Variants in ARHGAP22 observed in about 807,000 individuals in gnomAD.
ARHGAP22 encodes Rho GTPase activating protein 22, also known as rho GTPase-activating protein 22.
In ARHGAP22, 48 loss-of-function variants were observed where a neutral mutation model predicts 59.1. The observed-to-expected ratio is 0.81, with a 90% CI of 0.64 to 1.03. The LOEUF is 1.03. Among genes scored for constraint, ARHGAP22 ranks in the 50% least tolerant of loss-of-function variants. The pLI is 0.00. For missense variants in ARHGAP22, 1,015 were observed against 958.7 expected (o/e 1.06, Z -0.78); for synonymous variants, 445 against 416.4 (o/e 1.07, Z -0.84).
At chr10:48,563,571 A>G (rs1004990158) in intron 2 of ARHGAP22, among the ~76,000 whole-genome samples, 4 of 152,174 alleles carry the variant, frequency 2.6e-5, no homozygotes, top group Non-Finnish European at 4.4e-5. Flanking sequence ...TGCCATCGTA[A>G]CATAACATAT....
At chr10:48,476,608 G>A (rs1288512711) in intron 4 of ARHGAP22, among the ~76,000 whole-genome samples, 1 of 152,174 alleles carries the variant, frequency 6.6e-6, no homozygotes, top group Non-Finnish European at 1.5e-5. Context: ...CATTTCCTCT[G>A]TACTCCCGGG....
chr10:48,501,596 C>T (rs931613541), intron 3 of ARHGAP22, among the ~76,000 whole-genome samples: 1 of 152,212 alleles, frequency 6.6e-6, no homozygotes, highest in Non-Finnish European at 1.5e-5. Context: ...GATATATCAA[C>T]ATTTTAAATG....
intron 1 of ARHGAP22, among the ~76,000 whole-genome samples, chr10:48,610,868 G>C (rs1185719760): frequency 1.3e-5 from 2 of 152,210 alleles, no homozygotes; most frequent in Non-Finnish European, 2.9e-5. Flanking sequence ...CACCCTAAAA[G>C]AGCTAACAGC....
At chr10:48,587,258 T>C (rs971689530) in intron 1 of ARHGAP22, among the ~76,000 whole-genome samples, 13 of 152,202 alleles carry the variant, frequency 8.5e-5, no homozygotes, top group Admixed American at 6.5e-4. Context: ...CACCAGTCCC[T>C]TTCCAGGGTT....
chr10:48,462,703 C>T (rs2133834401), intron 4 of ARHGAP22, among the ~76,000 whole-genome samples: 1 of 152,354 alleles, frequency 6.6e-6, no homozygotes, highest in South Asian at 2.1e-4. Flanking sequence ...AAGCTGCTCC[C>T]ACCTGGGACC....
intron 3 of ARHGAP22, among the ~76,000 whole-genome samples, chr10:48,524,621 C>T (rs1433509589): frequency 6.6e-6 from 1 of 152,172 alleles, no homozygotes; most frequent in Non-Finnish European, 1.5e-5. Context: ...ATCCTCTGGG[C>T]AGTCATCTCA....
At chr10:48,655,039 T>C (rs1284879581), upstream of ARHGAP22, among the ~76,000 whole-genome samples, 1 of 58,740 alleles carries the variant, frequency 1.7e-5, no homozygotes, top group African/African-American at 6.6e-5. Flanking sequence ...TCATTCTTTC[T>C]TTCTTTCTTT....
chr10:48,582,398 C>T (rs867252209), intron 2 of ARHGAP22, among the ~76,000 whole-genome samples: 4 of 152,168 alleles, frequency 2.6e-5, no homozygotes, highest in East Asian at 1.9e-4. Flanking sequence ...GCCGCTGTGA[C>T]GAGGCTATAC....
chr10:48,553,245 C>T (rs2057040916), intron 3 of ARHGAP22, among the ~76,000 whole-genome samples: 1 of 152,272 alleles, frequency 6.6e-6, no homozygotes. Context: ...TCCCGCTCTC[C>T]CTGAACTGCT....
intron 1 of ARHGAP22, among the ~76,000 whole-genome samples, chr10:48,626,854 T>G (rs534003109): frequency 6.6e-6 from 1 of 152,308 alleles, no homozygotes; most frequent in South Asian, 2.1e-4. Context: ...AGGAGGTGAC[T>G]GTGGGAGAGT....
Position 48,450,281 on chromosome 10 carries a change from C to G in ARHGAP22, c.1848G>C (p.Glu616Asp). The G allele has an allele frequency of 6.2e-7, 1 of 1,609,968 alleles. No individual in the cohort carries two copies. Among genetic ancestry groups the G allele is most frequent in the Non-Finnish European group, 8.5e-7 (1 of 1,178,682 alleles). The change falls in exon 9 of 10, where the codon GAG (glutamate) becomes GAC (aspartate). Residue 616 changes from glutamate (E) to aspartate (D), a missense_variant. Physicochemically the swap from Glu to Asp is conservative, Grantham distance 45 (BLOSUM62 2). Coordinates refer to ENST00000249601, the MANE Select transcript of ARHGAP22 (RefSeq NM_021226.4). ...GTTACCTTTTCACACTCCTCTCGTACTCAGTCCGCTGGCGGCACAGCTCGG... is the reference window on the plus strand; with the variant it reads ...GTTACCTTTTCACACTCCTCTCGTAGTCAGTCCGCTGGCGGCACAGCTCGG... ...LRAELCRQRT[E>D]YERSVKRIEE...
the ARHGAP22 span, chr10:48,435,210 G>GT: frequency 2.1e-6 from 1 of 474,396 alleles, no homozygotes; most frequent in African/African-American, 2.0e-5. Context: ...CCTAAGTTGT[G>GT]TTTCAAAACA....
intron 1 of ARHGAP22, among the ~76,000 whole-genome samples, chr10:48,626,809 G>C (rs1230246195): frequency 6.6e-6 from 1 of 152,188 alleles, no homozygotes; most frequent in Non-Finnish European, 1.5e-5. Flanking sequence ...GTTATTCAGA[G>C]AAAGCCCCTT....
intron 1 of ARHGAP22, among the ~76,000 whole-genome samples, chr10:48,631,432 C>T (rs910930159): frequency 3.9e-5 from 6 of 152,166 alleles, no homozygotes; most frequent in African/African-American, 1.4e-4. Flanking sequence ...CATTTGAGAA[C>T]TAGTGCTTAC....
At chr10:48,589,933 AC>A (rs1331460982) in intron 1 of ARHGAP22, among the ~76,000 whole-genome samples, 1 of 152,014 alleles carries the variant, frequency 6.6e-6, no homozygotes, top group Non-Finnish European at 1.5e-5. Context: ...GGCAATCGCT[AC>A]CCTTCCACAG....
intron 1 of ARHGAP22, among the ~76,000 whole-genome samples, chr10:48,638,658 T>TATTC (rs2061923026): frequency 6.6e-6 from 1 of 152,176 alleles, no homozygotes; most frequent in Non-Finnish European, 1.5e-5. Context: ...CCATGCTATT[T>TATTC]ATTCATTCAT....
chr10:48,535,518 C>T (rs145621309), intron 3 of ARHGAP22, among the ~76,000 whole-genome samples: 485 of 152,352 alleles, frequency 3.2e-3, no homozygotes, highest in Middle Eastern at 0.01. Context: ...TCACCTGTCA[C>T]TCCTACCTGT....
In ARHGAP22 at chr10:48,486,583, AC is replaced by A. The variant is rs1414358247; in HGVS notation, c.323-6820del. On this transcript the variant is annotated intron_variant, in intron 3 of 9. Transcript: ENST00000249601. ...TCGAACTCCTGACCTCAGATGATCCACCCGTTTTGACCTCCCATGTTATTTT... is the reference window on the plus strand; with the variant it reads ...TCGAACTCCTGACCTCAGATGATCCACCGTTTTGACCTCCCATGTTATTTT... Among the ~76,000 whole-genome samples, 5 of 152,208 alleles carry A rather than the reference AC, an allele frequency of 3.3e-5. No individual in the cohort carries two copies. In the East Asian group the frequency reaches 9.7e-4, roughly 29 times the overall value.
At chr10:48,434,643 A>G in the ARHGAP22 span, among the ~76,000 whole-genome samples, 2 of 152,230 alleles carry the variant, frequency 1.3e-5, no homozygotes, top group East Asian at 3.8e-4. Flanking sequence ...TCTTAAACTG[A>G]AAAACACATT....
Sources: allele counts gnomAD v4.1 joint callset (sites outside exome capture counted in the v4.1 genomes callset), GRCh38; gene constraint gnomAD v4.1.1; transcripts MANE v1.5; gene names NCBI Gene and HGNC (gene_info 2026-07-23, HGNC 2026-07-21).